Variants in PLD5 observed in about 807,000 individuals in gnomAD.
PLD5 encodes phospholipase D family member 5, also known as inactive phospholipase D5.
In PLD5, 36 loss-of-function variants were observed where a neutral mutation model predicts 61.1. That is an observed-to-expected ratio of 0.59 (90% CI 0.45 to 0.78). The LOEUF (loss-of-function observed/expected upper bound fraction) is 0.78. Among genes scored for constraint, PLD5 ranks in the 30% least tolerant of loss-of-function variants. The pLI, the probability that PLD5 is intolerant of heterozygous loss-of-function variation, is 0.00. For synonymous variants in PLD5, 243 were observed against 242.8 expected, an observed-to-expected ratio of 1.00 and a Z score of -0.01; for missense variants, 515 against 644.4, an observed-to-expected ratio of 0.80 and a Z score of 2.17.
Position 242,524,225 on chromosome 1 carries a change from C to T in PLD5, c.52G>A (p.Glu18Lys). 2.0e-6 allele frequency: 3 copies of T among 1,529,196 alleles called. No homozygotes were observed. Among genetic ancestry groups the T allele is most frequent in the Non-Finnish European group, 2.6e-6 (3 of 1,143,692 alleles). The allele number at this position is 1,529,196 out of a possible 1,614,324, so 94.7% of individuals were successfully genotyped here. A position where few individuals can be genotyped will look rare whatever the true frequency, so the allele number is the denominator to read the frequency against. ...GGGCGGCTTTTGAGCCTCATCTGCT[C>T]GAAGCCCTCATGGGGGGAGGCCGAG... ...WLSASPHEGF[E>K]QMRLKSRPKE... Residue 18 changes from glutamate (E) to lysine (K), a missense_variant, in exon 1 of 10, where the codon GAG (glutamate) becomes AAG (lysine). Coordinates refer to ENST00000536534, the MANE Select transcript of PLD5 (RefSeq NM_001372062.1).
intron 3 of PLD5, 120 bp from the exon 4 acceptor site, chr1:242,265,568 T>G: frequency 1.2e-6 from 1 of 827,204 alleles, no homozygotes; most frequent in Non-Finnish European, 1.8e-6. Flanking sequence ...AGTCAAGCAT[T>G]TCAACAACTG....
chr1:242,433,078 GA>G (rs1300915581), intron 1 of PLD5, among the ~76,000 whole-genome samples: 2 of 151,874 alleles, frequency 1.3e-5, no homozygotes, highest in Non-Finnish European at 2.9e-5. Flanking sequence ...CCGTAGAGGG[GA>G]AAAAAAGCAA....
rs184683104 is a variant in PLD5 at position 242,315,625 on chromosome 1, C to A, written c.327-27095G>T. 8.1e-3 allele frequency among the ~76,000 whole-genome samples: 1,238 copies of A among 152,218 alleles called. 15 individuals are homozygous for A. The highest frequency in any genetic ancestry group is 0.028 in the African/African-American group (1,165 of 41,508). On this transcript the variant is annotated intron_variant, in intron 2 of 9. Coordinates refer to ENST00000536534, the MANE Select transcript of PLD5 (RefSeq NM_001372062.1). Reference sequence around the variant, plus strand: ...TCCTCAAGTCCTCAACGGCAGTTGCCTTGACAACTTACTGGAGGATAACTT... The same window carrying A: ...TCCTCAAGTCCTCAACGGCAGTTGCATTGACAACTTACTGGAGGATAACTT...
intron 1 of PLD5, among the ~76,000 whole-genome samples, chr1:242,471,654 G>A (rs879900194): frequency 7.9e-5 from 12 of 152,046 alleles, no homozygotes; most frequent in Non-Finnish European, 1.8e-4. Flanking sequence ...GGACAGAGGA[G>A]AATTTAAAGA....
chr1:242,351,649 C>G (rs1040625788), intron 1 of PLD5, among the ~76,000 whole-genome samples: 1 of 152,094 alleles, frequency 6.6e-6, no homozygotes, highest in African/African-American at 2.4e-5. Context: ...TACCCAGTCT[C>G]GGGTATGTCT....
chr1:242,220,690 A>G lies in PLD5; in HGVS notation c.608-575T>C, dbSNP rs188241717. On this transcript the variant is annotated intron_variant, in intron 4 of 9. Transcript: ENST00000536534. ...GGTCTCTTCTTCATCTTTATCTGAT[A>G]GTATTTTTTTTAATTTATATTTTAT... Among the ~76,000 whole-genome samples the G allele has an allele frequency of 3.0e-3, 430 of 141,860 alleles. 3 individuals are homozygous for G. Among genetic ancestry groups the G allele is most frequent in the Non-Finnish European group, 5.3e-3 (339 of 64,218 alleles). 93.1% of individuals were successfully genotyped at this position (141,860 alleles called of 152,430 possible).
At chr1:242,442,957 C>T (rs779169460) in intron 1 of PLD5, among the ~76,000 whole-genome samples, 29 of 152,146 alleles carry the variant, frequency 1.9e-4, no homozygotes, top group Admixed American at 7.2e-4. Context: ...ATCTCCATGC[C>T]GAATCAACAA....
At chr1:242,316,862 G>A (rs1163388373) in intron 2 of PLD5, among the ~76,000 whole-genome samples, 9 of 151,974 alleles carry the variant, frequency 5.9e-5, no homozygotes, top group Admixed American at 2.6e-4. Context: ...GAGAACATGC[G>A]GTATTTTGTT....
In PLD5 at chr1:242,175,814, CAGAG is replaced by C. The variant is rs1398639034; in HGVS notation, c.735+44170_735+44173del. ...TTCCTATACACCAATAATAGACAAA[CAGAG>C]AGCCAAATCATGAGTGAACTCCCAT... On this transcript the variant is annotated intron_variant, in intron 5 of 9. Coordinates refer to ENST00000536534, the MANE Select transcript of PLD5 (RefSeq NM_001372062.1). Among the ~76,000 whole-genome samples the C allele has an allele frequency of 1.3e-5, 2 of 152,274 alleles. 1 individual carries two copies. The highest frequency in any genetic ancestry group is 6.8e-3 in the Middle Eastern group (2 of 294).
chr1:242,134,804 C>A (rs1428999301), intron 5 of PLD5, among the ~76,000 whole-genome samples: 2 of 152,156 alleles, frequency 1.3e-5, no homozygotes, highest in Non-Finnish European at 2.9e-5. Context: ...TGAAAGGAAA[C>A]CTGACATCTA....
chr1:242,368,250 A>G (rs1218531308), intron 1 of PLD5, among the ~76,000 whole-genome samples: 3 of 152,078 alleles, frequency 2.0e-5, no homozygotes, highest in Non-Finnish European at 2.9e-5. Context: ...TCACCCTATA[A>G]AAGCCTTCTC....
At chr1:242,136,398 G>C (rs545214867) in intron 5 of PLD5, among the ~76,000 whole-genome samples, 1 of 152,244 alleles carries the variant, frequency 6.6e-6, no homozygotes, top group South Asian at 2.1e-4. Context: ...CCTGTTGCTT[G>C]TAGACTGGTC....
intron 1 of PLD5, among the ~76,000 whole-genome samples, chr1:242,504,578 A>AT (rs111816480): frequency 0.32 from 48,611 of 152,020 alleles, 9,430 homozygotes; most frequent in African/African-American, 0.54. Flanking sequence ...CCATGAAAGC[A>AT]TTTTTTAACT....
intron 4 of PLD5, among the ~76,000 whole-genome samples, chr1:242,228,558 G>A (rs1671099479): frequency 6.6e-6 from 1 of 152,116 alleles, no homozygotes; most frequent in Non-Finnish European, 1.5e-5. Flanking sequence ...AAAAGCAGCT[G>A]TGTTGGGAAG....
rs1161822567 is a variant in PLD5 at position 242,085,127 on chromosome 1, C to T, written c.*4727G>A. The T allele has an allele frequency of 1.3e-5, 2 of 152,020 alleles. No homozygotes were observed. The highest frequency in any genetic ancestry group is 4.8e-5 in the African/African-American group (2 of 41,374). The allele number at this position is 152,020 out of a possible 1,614,324, so 9.4% of individuals were successfully genotyped here. A position where few individuals can be genotyped will look rare whatever the true frequency, so the allele number is the denominator to read the frequency against. ...AGATATGTCCAGGTACAAGTTTATCCTATTTACATAAAGGAACATTAAAAA... is the reference window on the plus strand; with the variant it reads ...AGATATGTCCAGGTACAAGTTTATCTTATTTACATAAAGGAACATTAAAAA... On this transcript the variant is annotated 3_prime_UTR_variant, in exon 10 of 10. Transcript: ENST00000536534.
chr1:242,482,439 A>G (rs1436413341), intron 1 of PLD5, among the ~76,000 whole-genome samples: 2 of 152,250 alleles, frequency 1.3e-5, no homozygotes, highest in African/African-American at 4.8e-5. Context: ...GATTTGATCA[A>G]CTGGAAGAAA....
At chr1:242,103,125 C>A (rs1171049115) in intron 8 of PLD5, among the ~76,000 whole-genome samples, 1 of 152,056 alleles carries the variant, frequency 6.6e-6, no homozygotes, top group Non-Finnish European at 1.5e-5. Context: ...ATATGGTATA[C>A]CAAAAGTCCC....
At chr1:242,124,102 G>A (rs895761871) in intron 6 of PLD5, among the ~76,000 whole-genome samples, 2 of 152,196 alleles carry the variant, frequency 1.3e-5, no homozygotes, top group Non-Finnish European at 2.9e-5. Context: ...AACAGGCTCT[G>A]GTGTCAGAAG....
intron 1 of PLD5, among the ~76,000 whole-genome samples, chr1:242,481,468 C>T (rs998719371): frequency 6.6e-6 from 1 of 152,204 alleles, no homozygotes; most frequent in African/African-American, 2.4e-5. Context: ...ATTGCTAGCA[C>T]AGCAGTCTGA....
Sources: allele counts gnomAD v4.1 joint callset (sites outside exome capture counted in the v4.1 genomes callset), GRCh38; gene constraint gnomAD v4.1.1; transcripts MANE v1.5; gene names NCBI Gene and HGNC (gene_info 2026-07-23, HGNC 2026-07-21).